POGZ: variants seen among roughly 807,000 people sequenced by gnomAD.
The protein encoded by POGZ is pogo transposable element with ZNF domain.
A neutral mutation model predicts 134.6 loss-of-function variants in POGZ; 17 were observed. The observed-to-expected ratio is 0.13, with a 90% CI of 0.09 to 0.19. POGZ has a LOEUF of 0.19. POGZ is among the 10% of genes least tolerant of loss of function. The pLI is 1.00. For synonymous variants in POGZ, 693 were observed against 657.1 expected, an observed-to-expected ratio of 1.05 and a Z score of -0.84; for missense variants, 1,306 against 1,769.7, an observed-to-expected ratio of 0.74 and a Z score of 4.70.
intron 3 of POGZ, among the ~76,000 whole-genome samples, chr1:151,433,119 C>T (rs1658976782): frequency 6.6e-6 from 1 of 152,048 alleles, no homozygotes; most frequent in Non-Finnish European, 1.5e-5. Context: ...GCTCAACATC[C>T]CAATTAAATA....
intron 1 of POGZ, among the ~76,000 whole-genome samples, chr1:151,457,687 G>A (rs1048499250): frequency 2.0e-5 from 3 of 152,198 alleles, no homozygotes; most frequent in East Asian, 3.8e-4. Flanking sequence ...AGCACTTTGG[G>A]AGGCCAAGGC....
chr1:151,455,799 T>C (rs963117736), intron 1 of POGZ, among the ~76,000 whole-genome samples: 1 of 152,080 alleles, frequency 6.6e-6, no homozygotes, highest in Non-Finnish European at 1.5e-5. Flanking sequence ...AAGTATATAA[T>C]GAAAATCTAG....
chr1:151,438,935 G>C (rs1341917929), intron 3 of POGZ: 1 of 152,022 alleles, frequency 6.6e-6, no homozygotes, highest in African/African-American at 2.4e-5. Flanking sequence ...TGGAACCCTG[G>C]GATCAAAGAA....
At chr1:151,442,385 T>G (rs914728317) in intron 1 of POGZ, 180 bp from the exon 2 acceptor site, 2 of 455,124 alleles carry the variant, frequency 4.4e-6, no homozygotes, top group Non-Finnish European at 7.7e-6. Context: ...TATTGAATAT[T>G]AGAATCCATT....
chr1:151,405,904 G>A lies in POGZ; in HGVS notation c.3131C>T (p.Pro1044Leu). The change falls in exon 19 of 19, where the codon CCT (proline) becomes CTT (leucine). Residue 1044 changes from proline (P) to leucine (L), a missense_variant. By Grantham distance (98) the Pro-to-Leu change is moderately conservative (BLOSUM62 -3). Coordinates refer to ENST00000271715, the MANE Select transcript of POGZ (RefSeq NM_015100.4). This position sits in a 1 kb window ranked among gnomAD's most constrained non-coding sequence, Gnocchi z 4.9. Reference sequence around the variant, plus strand: ...CTGGAACAAGGTCTCCTCATTTACAGGTAGCTGTTGTTCGCGCTGGGTTAG... The same window carrying A: ...CTGGAACAAGGTCTCCTCATTTACAAGTAGCTGTTGTTCGCGCTGGGTTAG... ...WVLTQREQQL[P>L]VNEETLFQKA... is the part of the protein sequence containing the mutation. The A allele has an allele frequency of 6.2e-7, 1 of 1,614,134 alleles. No individual in the cohort carries two copies. Among genetic ancestry groups the A allele is most frequent in the South Asian group, 1.1e-5 (1 of 91,084 alleles).
At chr1:151,413,498 C>T (rs932882881) in intron 10 of POGZ, among the ~76,000 whole-genome samples, 4 of 152,000 alleles carry the variant, frequency 2.6e-5, no homozygotes, top group African/African-American at 9.7e-5. Context: ...AGATTATTTA[C>T]ATTTTTGTCA....
In POGZ at chr1:151,448,241, C is replaced by T. The variant is rs184634689; in HGVS notation, c.-1-6036G>A. ...TATATATTTAGTAAACCACTCATTA[C>T]TTCCCCTCTTATCCTATCCTGACTG... On this transcript the variant is annotated intron_variant, in intron 1 of 18. Coordinates refer to ENST00000271715, the MANE Select transcript of POGZ (RefSeq NM_015100.4). Among the ~76,000 whole-genome samples, 63 of 152,262 alleles carry T rather than the reference C, an allele frequency of 4.1e-4. No homozygotes were observed. In the East Asian group the frequency reaches 8.9e-3, roughly 21 times the overall value.
intron 1 of POGZ, among the ~76,000 whole-genome samples, chr1:151,458,272 A>T (rs1663008399): frequency 6.6e-6 from 1 of 152,124 alleles, no homozygotes; most frequent in Non-Finnish European, 1.5e-5. Flanking sequence ...GGTGCCAAGA[A>T]TCTAAATAAA....
At chr1:151,435,587 G>T (rs1207587732) in intron 3 of POGZ, among the ~76,000 whole-genome samples, 1 of 151,482 alleles carries the variant, frequency 6.6e-6, no homozygotes, top group African/African-American at 2.4e-5. Flanking sequence ...CCACCTCTCA[G>T]GTTCAAGCGA....
chr1:151,419,119 C>T (rs1656367643), intron 10 of POGZ, among the ~76,000 whole-genome samples: 1 of 151,390 alleles, frequency 6.6e-6, no homozygotes, highest in Non-Finnish European at 1.5e-5. Context: ...TTTGGGAGGC[C>T]GATGCAGGTA....
chr1:151,424,302 T>A lies in POGZ; in HGVS notation c.1186-16A>T. 6.9e-7 allele frequency: 1 copy of A among 1,447,828 alleles called. No homozygotes were observed. Among genetic ancestry groups the A allele is most frequent in the Admixed American group, 2.0e-5 (1 of 49,660 alleles). 89.7% of individuals were successfully genotyped at this position (1,447,828 alleles called of 1,614,324 possible). A position where few individuals can be genotyped will look rare whatever the true frequency, so the allele number is the denominator to read the frequency against. ...GGCAACAGTACTATAAAGAAAGACA[T>A]CTGATCATTCTGGTTATCCTGGGGG... is the stretch of plus-strand genomic sequence containing the variant. On this transcript the variant is annotated splice_polypyrimidine_tract_variant and intron_variant, in intron 8 of 18. Coordinates refer to ENST00000271715, the MANE Select transcript of POGZ (RefSeq NM_015100.4).
intron 7 of POGZ, chr1:151,427,101 G>A (rs1253123920): frequency 1.3e-5 from 2 of 149,450 alleles, no homozygotes; most frequent in African/African-American, 4.9e-5. Context: ...TGTAGAGATG[G>A]GATCTCACCA....
intron 4 of POGZ, 31 bp from the exon 5 acceptor site, chr1:151,429,742 T>G: frequency 7.8e-7 from 1 of 1,279,380 alleles, no homozygotes; most frequent in Middle Eastern, 1.8e-4. Context: ...ATCTTTAACA[T>G]GGAGACCAAT....
At chr1:151,409,615 G>A (rs1196648987) in intron 12 of POGZ, among the ~76,000 whole-genome samples, 1 of 152,036 alleles carries the variant, frequency 6.6e-6, no homozygotes, top group East Asian at 1.9e-4. Context: ...GGGATTACAG[G>A]CGTGCATCAC....
At chr1:151,430,343 G>A (rs932142417) in intron 4 of POGZ, among the ~76,000 whole-genome samples, 1 of 152,204 alleles carries the variant, frequency 6.6e-6, no homozygotes, top group Non-Finnish European at 1.5e-5. Context: ...CCCATGTGAA[G>A]AGGAGCAGTC....
chr1:151,456,931 T>A (rs1662844142), intron 1 of POGZ, among the ~76,000 whole-genome samples: 1 of 152,218 alleles, frequency 6.6e-6, no homozygotes, highest in Non-Finnish European at 1.5e-5. Flanking sequence ...CATTCTCAAG[T>A]AGTTTGGTGC....
At chr1:151,449,268 T>C (rs896222910) in intron 1 of POGZ, among the ~76,000 whole-genome samples, 4 of 152,148 alleles carry the variant, frequency 2.6e-5, no homozygotes, top group Non-Finnish European at 5.9e-5. Flanking sequence ...AAATAAATAA[T>C]TAAGGAATCT....
At chr1:151,425,303 A>G in intron 7 of POGZ, 1 of 365,096 alleles carries the variant, frequency 2.7e-6, no homozygotes, top group South Asian at 2.7e-5. Context: ...CCTGGGCTCA[A>G]GATCACTATG....
Position 151,425,045 on chromosome 1 carries a change from T to C in POGZ, c.1095A>G (p.Pro365=), listed in dbSNP as rs1442651605. 1 of 1,566,538 alleles carries C rather than the reference T, an allele frequency of 6.4e-7. No homozygotes were observed. The highest frequency in any genetic ancestry group is 1.1e-5 in the South Asian group (1 of 87,872). Residue 365 remains proline, a synonymous_variant, in exon 8 of 19, where the codon CCA becomes CCG. Transcript: ENST00000271715. ...GTCCACCATCCTGGAGGTCAAATAC[T>C]GGGATGGAAGAGGTCACTGAAAGAA... ...ESSMKVTSSI[P]VFDLQDGGRK... is the part of the protein sequence containing the mutation.
Sources: allele counts gnomAD v4.1 joint callset (sites outside exome capture counted in the v4.1 genomes callset), GRCh38; gene constraint gnomAD v4.1.1; non-coding constraint Gnocchi (gnomAD v3.1); transcripts MANE v1.5; gene names NCBI Gene and HGNC (gene_info 2026-07-23, HGNC 2026-07-21).